CDC73: variants seen among roughly 807,000 people sequenced by gnomAD.
CDC73 encodes the protein parafibromin.
A neutral mutation model predicts 83.7 loss-of-function variants in CDC73; 21 were observed. The ratio of observed to expected loss-of-function variants is 0.25; its 90% CI spans 0.18 to 0.36. CDC73 has a LOEUF of 0.36. CDC73 is among the 10% of genes least tolerant of loss of function. The pLI is 1.00. For synonymous variants in CDC73, 224 were observed against 212.9 expected (o/e 1.05, Z -0.45); for missense variants, 342 against 653.3 (o/e 0.52, Z 5.19).
chr1:193,210,733 GA>G (rs1677264242), intron 11 of CDC73, among the ~76,000 whole-genome samples: 2 of 152,156 alleles, frequency 1.3e-5, no homozygotes, highest in Non-Finnish European at 1.5e-5. Flanking sequence ...TTGTTAAAAA[GA>G]AAGATAGGAA....
At position 193,226,303 on chromosome 1, in the gene CDC73, A is replaced by G. The variant is rs560882895; in HGVS notation, c.1155-6690A>G. 2.0e-5 allele frequency among the ~76,000 whole-genome samples: 3 copies of G among 152,126 alleles called. No individual in the cohort carries two copies. The South Asian group carries it at 6.2e-4, about 32-fold the overall frequency. ...TTCTGTTCCGTTGGTCCTTGTGCCT[A>G]TTTTATACCAGTGCCATGCTGTTTT... On this transcript the variant is annotated intron_variant, in intron 13 of 16. Coordinates refer to ENST00000367435, the MANE Select transcript of CDC73 (RefSeq NM_024529.5).
At position 193,238,322 on chromosome 1, in the gene CDC73, C is replaced by T. The variant is rs539742214; in HGVS notation, c.1417+1966C>T. 1.4e-3 allele frequency among the ~76,000 whole-genome samples: 206 copies of T among 152,218 alleles called. 1 individual carries two copies. Among genetic ancestry groups the T allele is most frequent in the Middle Eastern group, 0.01 (3 of 294 alleles). On this transcript the variant is annotated intron_variant, in intron 15 of 16. Coordinates refer to ENST00000367435, the MANE Select transcript of CDC73 (RefSeq NM_024529.5). ...CCCTTTCCCCTAGCTTCTTCTTTTT[C>T]CTTTTATAGCTGCACTTTGGAAAGA...
chr1:193,217,760 T>G (rs1677395326), intron 13 of CDC73, among the ~76,000 whole-genome samples: 1 of 152,104 alleles, frequency 6.6e-6, no homozygotes, highest in African/African-American at 2.4e-5. Flanking sequence ...CAGAAGTGCC[T>G]GTCCTCACGT....
intron 10 of CDC73, among the ~76,000 whole-genome samples, chr1:193,195,095 G>T (rs987635022): frequency 6.6e-6 from 1 of 152,108 alleles, no homozygotes; most frequent in Non-Finnish European, 1.5e-5. Context: ...ATCTGTGTCA[G>T]CCAGCTGAGA....
In CDC73 at chr1:193,250,691, T is replaced by C; in HGVS notation, c.1575T>C (p.His525=). ...TTTTTTTCAGGTACATGGTAAAGCA[T>C]AAATCGCACTTGAGATTCTGAATTA... ...WETLDRYMVK[H]KSHLRF The change falls in exon 17 of 17, where the codon CAT becomes CAC. Residue 525 remains histidine (H), a synonymous_variant. Coordinates refer to ENST00000367435, the MANE Select transcript of CDC73 (RefSeq NM_024529.5). The C allele has an allele frequency of 6.2e-7, 1 of 1,608,956 alleles. No homozygotes were observed. The highest frequency in any genetic ancestry group is 1.1e-5 in the South Asian group (1 of 90,888).
intron 13 of CDC73, among the ~76,000 whole-genome samples, chr1:193,213,533 C>T (rs1468527037): frequency 2.0e-5 from 3 of 152,098 alleles, no homozygotes; most frequent in African/African-American, 7.2e-5. Context: ...GTAATACATA[C>T]TCTTTCAGAG....
At chr1:193,158,053 G>A (rs1303012295) in intron 10 of CDC73, among the ~76,000 whole-genome samples, 2 of 151,036 alleles carry the variant, frequency 1.3e-5, no homozygotes, top group African/African-American at 4.9e-5. Flanking sequence ...GTAAATGTAG[G>A]CAACTATATA....
At chr1:193,187,112 C>CCCCCCCT (rs1553285126) in intron 10 of CDC73, among the ~76,000 whole-genome samples, 1 of 113,544 alleles carries the variant, frequency 8.8e-6, no homozygotes, top group Non-Finnish European at 2.0e-5. Flanking sequence ...TCCCCCCCCC[C>CCCCCCCT]GTTTTCTGGG....
intron 15 of CDC73, among the ~76,000 whole-genome samples, chr1:193,241,720 A>T (rs1046412428): frequency 1.3e-5 from 2 of 152,150 alleles, no homozygotes; most frequent in Admixed American, 1.3e-4. Context: ...AAAAGTGCTC[A>T]GGTGCCAACA....
chr1:193,224,570 TATACAC>T (rs1677532252), intron 13 of CDC73, among the ~76,000 whole-genome samples: 1 of 152,118 alleles, frequency 6.6e-6, no homozygotes, highest in Non-Finnish European at 1.5e-5. Flanking sequence ...TGCATTCACA[TATACAC>T]ATATATGAAA....
chr1:193,225,534 A>T (rs1164491071), intron 13 of CDC73, among the ~76,000 whole-genome samples: 1 of 152,098 alleles, frequency 6.6e-6, no homozygotes, highest in East Asian at 1.9e-4. Context: ...GCAATGTAGA[A>T]GTGTTCCCTT....
rs1484865942 is a variant in CDC73 at position 193,147,787 on chromosome 1, A to G, written c.730-80A>G. The G allele has an allele frequency of 1.9e-5, 16 of 822,216 alleles. No individual in the cohort carries two copies. In the East Asian group the frequency reaches 4.0e-4, roughly 21 times the overall value. The allele number at this position is 822,216 out of a possible 1,614,324, so 50.9% of individuals were successfully genotyped here. A position where few individuals can be genotyped will look rare whatever the true frequency, so the allele number is the denominator to read the frequency against. ...GTAGTAGGGAAGAATCGATAGTAAG[A>G]TAACTTAGTCTTAAATTATCAACTA... is the stretch of plus-strand genomic sequence containing the variant. On this transcript the variant is annotated intron_variant, in intron 7 of 16. Transcript: ENST00000367435.
chr1:193,144,205 G>A (rs1016881599), intron 7 of CDC73, among the ~76,000 whole-genome samples: 5 of 149,626 alleles, frequency 3.3e-5, no homozygotes, highest in African/African-American at 4.9e-5. Context: ...TTATAATGCC[G>A]TTTAGAAAAC....
chr1:193,172,662 G>A (rs981919218), intron 10 of CDC73, among the ~76,000 whole-genome samples: 2 of 152,050 alleles, frequency 1.3e-5, no homozygotes, highest in Non-Finnish European at 2.9e-5. Flanking sequence ...CCATTCAGAC[G>A]TTTTGCTTTC....
chr1:193,145,343 G>T (rs1184594521), intron 7 of CDC73, among the ~76,000 whole-genome samples: 2 of 152,162 alleles, frequency 1.3e-5, no homozygotes, highest in African/African-American at 4.8e-5. Context: ...CCAGCTGTTT[G>T]TGTGAGGATA....
chr1:193,252,697 T>A lies in CDC73; in HGVS notation c.*1985T>A, dbSNP rs886045726. ...TTTTCCTCTTTGACAATTTAGTCTC[T>A]TATTTAGGTCCATGTAATTAATTTC... On this transcript the variant is annotated 3_prime_UTR_variant, in exon 17 of 17. Coordinates refer to ENST00000367435, the MANE Select transcript of CDC73 (RefSeq NM_024529.5). 38 of 231,522 alleles carry A rather than the reference T, an allele frequency of 1.6e-4. 1 individual carries two copies. The highest frequency in any genetic ancestry group is 3.6e-4 in the South Asian group (2 of 5,518). 14.3% of individuals were successfully genotyped at this position (231,522 alleles called of 1,614,324 possible).
intron 10 of CDC73, among the ~76,000 whole-genome samples, chr1:193,191,303 T>G (rs139123252): frequency 1.3e-5 from 2 of 152,234 alleles, no homozygotes; most frequent in Non-Finnish European, 2.9e-5. Context: ...ACTTTATGTA[T>G]AGGTATTAGC....
At chr1:193,235,279 A>C (rs566672890) in intron 14 of CDC73, among the ~76,000 whole-genome samples, 26 of 151,964 alleles carry the variant, frequency 1.7e-4, no homozygotes, top group African/African-American at 6.3e-4. Flanking sequence ...CTGTACTTCT[A>C]CCTTCCTCCT....
intron 11 of CDC73, among the ~76,000 whole-genome samples, 197 bp downstream of exon 11, chr1:193,204,049 T>G (rs1037667864): frequency 6.6e-6 from 1 of 151,972 alleles, no homozygotes; most frequent in Non-Finnish European, 1.5e-5. Flanking sequence ...CTTGCTAAAC[T>G]TCAGTCAGCA....
Sources: allele counts gnomAD v4.1 joint callset (sites outside exome capture counted in the v4.1 genomes callset), GRCh38; gene constraint gnomAD v4.1.1; transcripts MANE v1.5; gene names NCBI Gene and HGNC (gene_info 2026-07-23, HGNC 2026-07-21).